Variants in FOXP2 observed in about 807,000 individuals in gnomAD.
The protein encoded by FOXP2 is forkhead box P2, also known as forkhead box protein P2.
Under a neutral mutation model 115.8 loss-of-function variants are expected in FOXP2, and 12 were observed. The ratio of observed to expected loss-of-function variants is 0.10; its 90% CI spans 0.07 to 0.17. The LOEUF is 0.17. Ranked by LOEUF, FOXP2 falls within the 10% of genes least tolerant of loss-of-function variation. The pLI is 1.00. For synonymous variants in FOXP2, 328 were observed against 297.7 expected (o/e 1.10, Z -1.05); for missense variants, 629 against 843.5 (o/e 0.75, Z 3.15).
intron 1 of FOXP2, among the ~76,000 whole-genome samples, chr7:114,104,419 A>G (rs1400975817): frequency 6.6e-6 from 1 of 151,970 alleles, no homozygotes; most frequent in Non-Finnish European, 1.5e-5. Flanking sequence ...TCTTCCTCAG[A>G]GTGAAGTTCT....
intron 16 of FOXP2, among the ~76,000 whole-genome samples, chr7:114,679,754 G>A (rs1005080907): frequency 6.6e-6 from 1 of 152,016 alleles, no homozygotes; most frequent in African/African-American, 2.4e-5. Context: ...CTATTACAAA[G>A]CCTACGTGAA....
chr7:114,415,643 A>C (rs1323076247), intron 1 of FOXP2, among the ~76,000 whole-genome samples: 1 of 151,966 alleles, frequency 6.6e-6, no homozygotes, highest in Non-Finnish European at 1.5e-5. Context: ...AAAAATCTGC[A>C]AGATCTTGAG....
intron 2 of FOXP2, among the ~76,000 whole-genome samples, chr7:114,509,261 G>A (rs1296925084): frequency 6.6e-6 from 1 of 151,400 alleles, no homozygotes; most frequent in Non-Finnish European, 1.5e-5. Flanking sequence ...GTGGTTTAAT[G>A]GTTTTTTTGT....
chr7:114,104,362 C>T (rs926687297), intron 1 of FOXP2, among the ~76,000 whole-genome samples: 1 of 151,866 alleles, frequency 6.6e-6, no homozygotes, highest in Middle Eastern at 3.4e-3. Flanking sequence ...CTAATGCAGT[C>T]AGGTATGGGG....
chr7:114,364,376 A>T (rs1358411767), intron 2 of FOXP2, among the ~76,000 whole-genome samples: 12 of 152,068 alleles, frequency 7.9e-5, no homozygotes, highest in Non-Finnish European at 1.8e-4. Context: ...TGGCTGGCAA[A>T]TGTGTGCAGT....
upstream of FOXP2, among the ~76,000 whole-genome samples, chr7:114,159,514 AATTT>A (rs1234435334): frequency 6.6e-6 from 1 of 150,862 alleles, no homozygotes; most frequent in Non-Finnish European, 1.5e-5. Context: ...AAAAAACAGT[AATTT>A]ATTTATGAAA....
At position 114,690,134 on chromosome 7, in the gene FOXP2, T is replaced by C. The variant is rs745705171; in HGVS notation, c.*208T>C. The C allele has an allele frequency of 1.6e-4, 88 of 542,644 alleles. No individual in the cohort carries two copies. The highest frequency in any genetic ancestry group is 2.2e-4 in the Non-Finnish European group (67 of 298,924). The allele number at this position is 542,644 out of a possible 1,614,324, so 33.6% of individuals were successfully genotyped here. ...GTTTTCTTCTTCTTCTTCTTCTTTT[T>C]TTTTTTTTTTTTAGAAAAAAAGACA... On this transcript the variant is annotated 3_prime_UTR_variant, in exon 17 of 17. Transcript: ENST00000350908.
chr7:114,183,921 G>A (rs1793523223), intron 1 of FOXP2, among the ~76,000 whole-genome samples: 1 of 152,112 alleles, frequency 6.6e-6, no homozygotes, highest in Admixed American at 6.6e-5. Flanking sequence ...GTCATAATCA[G>A]TTGCCAGAAG....
chr7:114,452,133 T>C (rs886730402), intron 2 of FOXP2, among the ~76,000 whole-genome samples: 3 of 151,988 alleles, frequency 2.0e-5, no homozygotes, highest in African/African-American at 7.2e-5. Flanking sequence ...TACATATAGG[T>C]CAAATCATTT....
intron 1 of FOXP2, among the ~76,000 whole-genome samples, chr7:114,248,180 CAGAGAGAGAG>C (rs71314647): frequency 1.4e-4 from 20 of 146,068 alleles, no homozygotes; most frequent in East Asian, 4.1e-4. Context: ...AGCTTAAAAA[CAGAGAGAGAG>C]AGAGAGAGAG....
intron 1 of FOXP2, among the ~76,000 whole-genome samples, chr7:114,268,859 A>G (rs1485427916): frequency 2.6e-5 from 4 of 152,164 alleles, no homozygotes; most frequent in African/African-American, 9.7e-5. Flanking sequence ...TCTATATTTT[A>G]AAGGAAATAT....
intron 2 of FOXP2, among the ~76,000 whole-genome samples, chr7:114,360,311 T>C (rs2129187426): frequency 6.6e-6 from 1 of 152,254 alleles, no homozygotes; most frequent in South Asian, 2.1e-4. Context: ...GATTACCCAG[T>C]CTCAGGTGTT....
chr7:114,689,516 A>T (rs577603608), intron 16 of FOXP2, among the ~76,000 whole-genome samples: 29 of 152,298 alleles, frequency 1.9e-4, no homozygotes, highest in Middle Eastern at 3.4e-3. Flanking sequence ...CATTTCATTC[A>T]GAAAGAATGC....
intron 1 of FOXP2, among the ~76,000 whole-genome samples, chr7:114,250,752 G>C (rs1223386237): frequency 6.6e-6 from 1 of 152,136 alleles, no homozygotes; most frequent in South Asian, 2.1e-4. Context: ...TAGGTTGCCT[G>C]TTCACTCTGA....
At chr7:114,236,214 G>A (rs550275118) in intron 1 of FOXP2, among the ~76,000 whole-genome samples, 9 of 152,260 alleles carry the variant, frequency 5.9e-5, no homozygotes, top group African/African-American at 2.2e-4. Flanking sequence ...TGTCTTTGAT[G>A]TTAAATAAAT....
intron 2 of FOXP2, among the ~76,000 whole-genome samples, chr7:114,466,871 T>A (rs914152943): frequency 1.3e-5 from 2 of 152,216 alleles, no homozygotes; most frequent in Non-Finnish European, 2.9e-5. Flanking sequence ...GCTCACTATT[T>A]TCTAAATAGA....
intron 1 of FOXP2, among the ~76,000 whole-genome samples, chr7:114,089,116 CGTCA>C (rs751460732): frequency 9.2e-5 from 14 of 152,022 alleles, no homozygotes; most frequent in Non-Finnish European, 1.9e-4. Flanking sequence ...CATATTCAGT[CGTCA>C]GTCTAGTTAA....
At chr7:114,500,649 G>A (rs1214343594) in intron 2 of FOXP2, among the ~76,000 whole-genome samples, 1 of 152,162 alleles carries the variant, frequency 6.6e-6, no homozygotes, top group Admixed American at 6.5e-5. Context: ...AGATGAATAA[G>A]TTGAGGCGTC....
intron 16 of FOXP2, among the ~76,000 whole-genome samples, chr7:114,679,506 C>T (rs1450369690): frequency 1.3e-5 from 2 of 152,080 alleles, no homozygotes; most frequent in Non-Finnish European, 2.9e-5. Flanking sequence ...GCTCAAAAAC[C>T]ATCAATAGCC....
Sources: allele counts gnomAD v4.1 joint callset (sites outside exome capture counted in the v4.1 genomes callset), GRCh38; gene constraint gnomAD v4.1.1; transcripts MANE v1.5; gene names NCBI Gene and HGNC (gene_info 2026-07-23, HGNC 2026-07-21).